Variants in UBXN11 observed in about 807,000 individuals in gnomAD.
UBXN11 encodes the protein UBX domain protein 11.
UBXN11 carries 47 observed loss-of-function variants against 62.8 expected under a neutral mutation model. The ratio of observed to expected loss-of-function variants is 0.75; its 90% CI spans 0.59 to 0.95. UBXN11 has a LOEUF of 0.95. Among genes scored for constraint, UBXN11 ranks in the 40% least tolerant of loss-of-function variants. The pLI is 0.00. For synonymous variants in UBXN11, 294 were observed against 267.0 expected (o/e 1.10, Z -0.99); for missense variants, 638 against 661.7 (o/e 0.96, Z 0.39).
intron 4 of UBXN11, among the ~76,000 whole-genome samples, chr1:26,298,994 C>T (rs1006571082): frequency 1.3e-5 from 2 of 152,134 alleles, no homozygotes; most frequent in Non-Finnish European, 2.9e-5. Flanking sequence ...GTCTTGGAGT[C>T]ACTGAATTAA....
At chr1:26,294,128 C>G (rs1394407831) in intron 8 of UBXN11, 77 bp downstream of exon 8, 1 of 1,579,468 alleles carries the variant, frequency 6.3e-7, no homozygotes, top group Non-Finnish European at 8.6e-7. Context: ...AGATAGGCCT[C>G]TGGGGAGCTG....
At chr1:26,293,724 CAAAAAAAAAA>C (rs1163207554) in intron 8 of UBXN11, among the ~76,000 whole-genome samples, 8 of 26,942 alleles carry the variant, frequency 3.0e-4, no homozygotes, top group African/African-American at 9.6e-4. Flanking sequence ...GACTCCGTCT[CAAAAAAAAAA>C]AAAAAAAAAA....
chr1:26,298,160 G>A, intron 4 of UBXN11, 98 bp from the exon 5 acceptor site: 1 of 1,259,968 alleles, frequency 7.9e-7, no homozygotes, highest in Non-Finnish European at 1.1e-6. Flanking sequence ...TGGAAATGAA[G>A]GTACTGAGAG....
At position 26,285,473 on chromosome 1, in the gene UBXN11, G is replaced by A. The variant is rs745858367; in HGVS notation, c.843C>T (p.Val281=). The change falls in exon 10 of 15, where the codon GTC becomes GTT. Residue 281 remains valine, a synonymous_variant. Transcript: ENST00000374222. ...SELQRLYPNG[V]PFKVSDLRNQ... Reference sequence around the variant, plus strand: ...AGGAGCAGCTTATCACCTTAAAGGGGACCCCATTGGGGTACAGTCGCTGGA... The same window carrying A: ...AGGAGCAGCTTATCACCTTAAAGGGAACCCCATTGGGGTACAGTCGCTGGA... 4.5e-5 allele frequency: 72 copies of A among 1,609,922 alleles called. No individual in the cohort carries two copies. In the South Asian group the frequency reaches 7.7e-4, roughly 17 times the overall value.
At chr1:26,317,907 C>CTG (rs2073815279) in intron 1 of UBXN11, 2 of 918,326 alleles carry the variant, frequency 2.2e-6, no homozygotes, top group Non-Finnish European at 3.6e-6. Context: ...CTACCTCACC[C>CTG]CGCCTCCTCT....
chr1:26,293,964 G>A (rs545248071), intron 8 of UBXN11, among the ~76,000 whole-genome samples: 146 of 152,232 alleles, frequency 9.6e-4, no homozygotes, highest in African/African-American at 3.4e-3. Flanking sequence ...CTGGGTCTCT[G>A]ACAGATGAGC....
intron 10 of UBXN11, chr1:26,284,774 C>A: frequency 8.4e-7 from 1 of 1,185,272 alleles, no homozygotes; most frequent in Non-Finnish European, 1.0e-6. Context: ...GTGAGGGGGT[C>A]AGGAGAGGAC....
upstream of UBXN11, among the ~76,000 whole-genome samples, chr1:26,309,498 A>C (rs559684901): frequency 1.7e-4 from 26 of 152,120 alleles, no homozygotes; most frequent in African/African-American, 6.3e-4. Context: ...TCAGCCTCCC[A>C]AAGTGCTGGG....
At chr1:26,298,318 G>A (rs1053079589) in intron 4 of UBXN11, among the ~76,000 whole-genome samples, 4 of 152,120 alleles carry the variant, frequency 2.6e-5, no homozygotes, top group Non-Finnish European at 5.9e-5. Flanking sequence ...CATATACAAG[G>A]AAGTGGTGTA....
intron 8 of UBXN11, among the ~76,000 whole-genome samples, chr1:26,289,404 G>A (rs1434812555): frequency 6.6e-6 from 1 of 151,998 alleles, no homozygotes; most frequent in African/African-American, 2.4e-5. Flanking sequence ...CTGCATGCCT[G>A]GAGCCCTTGC....
exon 1 of UBXN11, chr1:26,318,074 A>G (rs1357675521): frequency 6.2e-7 from 1 of 1,613,894 alleles, no homozygotes. Context: ...TGGTACAGGT[A>G]AGAGCAACGC....
chr1:26,293,571 C>T (rs1205913602), intron 8 of UBXN11, among the ~76,000 whole-genome samples: 67 of 151,674 alleles, frequency 4.4e-4, no homozygotes, highest in Middle Eastern at 3.2e-3. Flanking sequence ...ACTAAAAATA[C>T]AAAAATTAGC....
At chr1:26,297,228 C>A (rs778910715) in intron 6 of UBXN11, among the ~76,000 whole-genome samples, 199 bp downstream of exon 6, 2 of 152,148 alleles carry the variant, frequency 1.3e-5, no homozygotes, top group Non-Finnish European at 2.9e-5. Flanking sequence ...GGACTCGGTC[C>A]CATGTAGGAG....
chr1:26,293,536 G>C (rs1035638965), intron 8 of UBXN11, among the ~76,000 whole-genome samples: 1 of 151,864 alleles, frequency 6.6e-6, no homozygotes, highest in Non-Finnish European at 1.5e-5. Context: ...GACCAGCCTG[G>C]CCAACATGGT....
At chr1:26,303,175 G>C (rs908719790) in intron 1 of UBXN11, 5 of 297,400 alleles carry the variant, frequency 1.7e-5, no homozygotes, top group African/African-American at 1.1e-4. Flanking sequence ...GTACTGTGAG[G>C]GTGGGATGGG....
upstream of UBXN11, among the ~76,000 whole-genome samples, chr1:26,307,698 T>C (rs978616578): frequency 1.9e-4 from 29 of 149,924 alleles, no homozygotes; most frequent in Non-Finnish European, 3.3e-4. Flanking sequence ...TAGGCTCTGC[T>C]CACTGCAACA....
At chr1:26,309,516 G>T (rs1218849832), upstream of UBXN11, among the ~76,000 whole-genome samples, 1 of 152,110 alleles carries the variant, frequency 6.6e-6, no homozygotes, top group Non-Finnish European at 1.5e-5. Flanking sequence ...GGGATTACAG[G>T]TGTGAGCCAC....
At chr1:26,293,913 T>C (rs1398718435) in intron 8 of UBXN11, among the ~76,000 whole-genome samples, 2 of 152,018 alleles carry the variant, frequency 1.3e-5, no homozygotes, top group Non-Finnish European at 1.5e-5. Context: ...TTGTAGACTA[T>C]GTGACCTGAG....
In UBXN11 at chr1:26,282,334, TG is replaced by T. The variant is rs2073004513; in HGVS notation, c.1527del (p.Ser510ValfsTer?). 3.1e-6 allele frequency: 4 copies of T among 1,304,244 alleles called. 1 individual carries two copies. The highest frequency in any genetic ancestry group is 1.7e-5 in the African/African-American group (1 of 58,588). 80.8% of individuals were successfully genotyped at this position (1,304,244 alleles called of 1,614,324 possible). On this transcript the variant is annotated frameshift_variant, in exon 15 of 15. Coordinates refer to ENST00000374222, the MANE Select transcript of UBXN11 (RefSeq NM_001389556.1). LOFTEE classifies it high-confidence loss of function. ...CTGGGACTGGGTCCAGGACAGGGAC[TG>T]GGGCCGGGACCGGGACCGGGACTGG... is the stretch of plus-strand genomic sequence containing the variant. ...PGPSPGPGPGPSPCPGPSPSP... is the reference protein window; with the variant it reads ...PGPSPGPGPGXSPCPGPSPSP...
Sources: gnomAD v4.1 joint callset for allele counts (sites outside exome capture counted in the v4.1 genomes callset) on GRCh38, gnomAD v4.1.1 for gene constraint, MANE v1.5 for transcripts, NCBI Gene and HGNC (gene_info 2026-07-23, HGNC 2026-07-21) for gene names.